The following RAPGEF4 variants were observed in gnomAD, a reference collection of about 807,000 sequenced individuals.
RAPGEF4 encodes the protein RAP guanine-nucleotide-exchange factor (GEF) 4.
Under a neutral mutation model 147.9 loss-of-function variants are expected in RAPGEF4, and 66 were observed. The ratio of observed to expected loss-of-function variants is 0.45; its 90% CI spans 0.37 to 0.55. The LOEUF (loss-of-function observed/expected upper bound fraction) is 0.55. Ranked by LOEUF, RAPGEF4 falls within the 20% of genes least tolerant of loss-of-function variation. The pLI is 0.00. For missense variants in RAPGEF4, 1,071 were observed against 1,257.3 expected (o/e 0.85, Z 2.24); for synonymous variants, 419 against 442.7 (o/e 0.95, Z 0.67).
intron 17 of RAPGEF4, among the ~76,000 whole-genome samples, chr2:173,010,247 A>T (rs1450184234): frequency 6.6e-6 from 1 of 152,242 alleles, no homozygotes; most frequent in Non-Finnish European, 1.5e-5. Flanking sequence ...GCCTTTCCTT[A>T]ATGGTGTTTA....
intron 3 of RAPGEF4, among the ~76,000 whole-genome samples, chr2:172,807,033 T>C (rs1235269592): frequency 2.0e-5 from 3 of 152,240 alleles, no homozygotes; most frequent in African/African-American, 4.8e-5. Context: ...ACTGCCATCA[T>C]TGGAAACATT....
chr2:172,774,861 C>G (rs981565400), intron 1 of RAPGEF4, among the ~76,000 whole-genome samples: 19 of 152,132 alleles, frequency 1.2e-4, no homozygotes, highest in African/African-American at 4.6e-4. Context: ...TAGACATGTA[C>G]CAGTATTGTT....
chr2:172,992,346 A>G (rs6705188), intron 15 of RAPGEF4, among the ~76,000 whole-genome samples: 11,135 of 152,318 alleles, frequency 0.073, 601 homozygotes, highest in South Asian at 0.16. Flanking sequence ...GATAAGAATG[A>G]AAACATTTTT....
intron 4 of RAPGEF4, among the ~76,000 whole-genome samples, chr2:172,898,520 T>C (rs138079130): frequency 0.018 from 2,698 of 152,260 alleles, 88 homozygotes; most frequent in South Asian, 0.13. Context: ...TCTTCCGTCA[T>C]TGCAAATCCC....
At chr2:172,849,334 A>C (rs1329438631) in intron 4 of RAPGEF4, among the ~76,000 whole-genome samples, 2 of 152,256 alleles carry the variant, frequency 1.3e-5, no homozygotes, top group Non-Finnish European at 2.9e-5. Flanking sequence ...TGCAGAAAAC[A>C]TTCTAATAAG....
intron 4 of RAPGEF4, among the ~76,000 whole-genome samples, chr2:172,902,674 A>G (rs1287370182): frequency 6.6e-6 from 1 of 152,152 alleles, no homozygotes; most frequent in Non-Finnish European, 1.5e-5. Flanking sequence ...GACACCTCCT[A>G]GCCTTTATGC....
Position 172,916,313 on chromosome 2 carries a change from T to C in RAPGEF4, c.445-1489T>C, listed in dbSNP as rs566121677. On this transcript the variant is annotated intron_variant, in intron 4 of 30. Transcript: ENST00000397081. The stretch of plus-strand genomic sequence containing the variant: ...ATGGCCCCTTCAATTTAACAGGAAG[T>C]ATTTCTTTTAGGAGCCTGTTAGGGA... 3.3e-5 allele frequency among the ~76,000 whole-genome samples: 5 copies of C among 152,332 alleles called. No homozygotes were observed. In the East Asian group the frequency reaches 9.7e-4, roughly 29 times the overall value.
At chr2:172,778,220 A>G (rs1356683630) in intron 1 of RAPGEF4, among the ~76,000 whole-genome samples, 3 of 152,052 alleles carry the variant, frequency 2.0e-5, no homozygotes, top group Admixed American at 2.0e-4. Context: ...GCCTACCTTG[A>G]TTTGCTAACT....
At chr2:173,048,446 TTA>T (rs1476420076) in intron 29 of RAPGEF4, 152 bp from the exon 30 acceptor site, 4 of 1,431,358 alleles carry the variant, frequency 2.8e-6, no homozygotes, top group Non-Finnish European at 3.7e-6. Context: ...ATTAAACAAG[TTA>T]TACATCAGCT....
At chr2:172,782,909 T>C (rs1684814118) in intron 1 of RAPGEF4, among the ~76,000 whole-genome samples, 2 of 152,120 alleles carry the variant, frequency 1.3e-5, no homozygotes. Context: ...GTGGAGAGCC[T>C]TTGCCAAGCC....
At chr2:172,824,206 G>A (rs1275147155) in intron 4 of RAPGEF4, among the ~76,000 whole-genome samples, 2 of 152,216 alleles carry the variant, frequency 1.3e-5, no homozygotes, top group South Asian at 2.1e-4. Flanking sequence ...CTGGTTTCAC[G>A]TTAGAAGTAT....
chr2:172,953,962 T>C (rs1207272682), intron 6 of RAPGEF4, among the ~76,000 whole-genome samples: 1 of 152,172 alleles, frequency 6.6e-6, no homozygotes, highest in African/African-American at 2.4e-5. Flanking sequence ...GATAAGACAC[T>C]CCTAAAGTCT....
chr2:173,003,847 G>T (rs1221613883), intron 17 of RAPGEF4, among the ~76,000 whole-genome samples: 1 of 152,180 alleles, frequency 6.6e-6, no homozygotes, highest in African/African-American at 2.4e-5. Flanking sequence ...AAGCAACAGG[G>T]ATGTATAATG....
chr2:172,979,998 G>C (rs763843276), intron 10 of RAPGEF4, among the ~76,000 whole-genome samples: 18 of 152,196 alleles, frequency 1.2e-4, no homozygotes, highest in Non-Finnish European at 2.2e-4. Flanking sequence ...GCCTGGGCAA[G>C]AAAGGTCAGA....
intron 4 of RAPGEF4, among the ~76,000 whole-genome samples, chr2:172,828,849 G>A (rs1689978460): frequency 6.6e-6 from 1 of 152,176 alleles, no homozygotes; most frequent in Admixed American, 6.6e-5. Flanking sequence ...TCACACATTT[G>A]TTACCTCTCA....
chr2:172,781,103 T>C (rs971767450), intron 1 of RAPGEF4, among the ~76,000 whole-genome samples: 3 of 152,236 alleles, frequency 2.0e-5, no homozygotes, highest in Admixed American at 1.3e-4. Context: ...TATTTGAATA[T>C]AGTATTGTTA....
At chr2:173,007,188 CA>C (rs1318417521) in intron 17 of RAPGEF4, among the ~76,000 whole-genome samples, 1 of 152,188 alleles carries the variant, frequency 6.6e-6, no homozygotes, top group East Asian at 1.9e-4. Context: ...CAGTGTATTG[CA>C]TTAGGGCACG....
chr2:172,956,475 T>TTC (rs1553537587), intron 6 of RAPGEF4, among the ~76,000 whole-genome samples: 1 of 147,912 alleles, frequency 6.8e-6, no homozygotes, highest in Non-Finnish European at 1.5e-5. Flanking sequence ...TCTTTTTCTT[T>TTC]TTTTTTTTTT....
At chr2:172,802,594 A>G (rs372094354) in intron 3 of RAPGEF4, among the ~76,000 whole-genome samples, 86 of 152,312 alleles carry the variant, frequency 5.6e-4, no homozygotes, top group African/African-American at 1.9e-3. Context: ...CAGCCAAACC[A>G]TATAATTCCA....
Sources: allele counts gnomAD v4.1 joint callset (sites outside exome capture counted in the v4.1 genomes callset), GRCh38; gene constraint gnomAD v4.1.1; transcripts MANE v1.5; gene names NCBI Gene and HGNC (gene_info 2026-07-23, HGNC 2026-07-21).